The following PITPNC1 variants were observed in gnomAD, a reference collection of about 807,000 sequenced individuals.
The protein encoded by PITPNC1 is cytoplasmic phosphatidylinositol transfer protein 1.
In PITPNC1, 18 loss-of-function variants were observed where a neutral mutation model predicts 44.7. The ratio of observed to expected loss-of-function variants is 0.40; its 90% confidence interval spans 0.28 to 0.60. PITPNC1 has a LOEUF of 0.60. Among genes scored for constraint, PITPNC1 ranks in the 20% least tolerant of loss-of-function variants. The pLI, the probability that PITPNC1 is intolerant of heterozygous loss-of-function variation, is 0.39. For missense variants in PITPNC1, 290 were observed against 418.4 expected (o/e 0.69, Z 2.68); for synonymous variants, 141 against 149.6 (o/e 0.94, Z 0.42).
At chr17:67,622,514 C>CTT (rs1254933576) in intron 5 of PITPNC1, among the ~76,000 whole-genome samples, 115 of 118,926 alleles carry the variant, frequency 9.7e-4, no homozygotes, top group East Asian at 8.2e-3. Flanking sequence ...GTAGCCTGGA[C>CTT]TTTTTTTTTT....
intron 1 of PITPNC1, among the ~76,000 whole-genome samples, chr17:67,431,305 C>T (rs1206594314): frequency 6.6e-6 from 1 of 151,994 alleles, no homozygotes; most frequent in Admixed American, 6.6e-5. Context: ...GTGATCCATC[C>T]GCCTCAGCAT....
chr17:67,494,743 G>A (rs1450652106), intron 1 of PITPNC1, among the ~76,000 whole-genome samples: 1 of 152,060 alleles, frequency 6.6e-6, no homozygotes, highest in Non-Finnish European at 1.5e-5. Context: ...AGGCTGAGGT[G>A]AGCAGATTGC....
intron 1 of PITPNC1, among the ~76,000 whole-genome samples, chr17:67,520,255 T>G (rs2040308535): frequency 6.6e-6 from 1 of 152,090 alleles, no homozygotes; most frequent in African/African-American, 2.4e-5. Flanking sequence ...AACATCTCTG[T>G]TTATGGGGCT....
intron 1 of PITPNC1, among the ~76,000 whole-genome samples, chr17:67,510,590 C>T (rs1362144132): frequency 2.6e-5 from 4 of 152,178 alleles, no homozygotes; most frequent in African/African-American, 9.7e-5. Flanking sequence ...GCGTGAGCCA[C>T]CGCGCCTGGC....
intron 4 of PITPNC1, among the ~76,000 whole-genome samples, chr17:67,557,264 T>G (rs893213137): frequency 6.6e-6 from 1 of 152,132 alleles, no homozygotes; most frequent in East Asian, 1.9e-4. Flanking sequence ...GGCCCCACCC[T>G]CGTGACCTCA....
At chr17:67,541,437 A>G (rs1246857457) in intron 2 of PITPNC1, among the ~76,000 whole-genome samples, 1 of 151,120 alleles carries the variant, frequency 6.6e-6, no homozygotes, top group Non-Finnish European at 1.5e-5. Flanking sequence ...CAGTGGGTTT[A>G]GTTGACAATT....
chr17:67,479,621 G>A (rs905463316), intron 1 of PITPNC1, among the ~76,000 whole-genome samples: 2 of 152,038 alleles, frequency 1.3e-5, no homozygotes, highest in African/African-American at 4.8e-5. Flanking sequence ...AAGGACAAAC[G>A]GGTAGAATGC....
chr17:67,478,353 T>C (rs1247205673), intron 1 of PITPNC1, among the ~76,000 whole-genome samples: 1 of 152,202 alleles, frequency 6.6e-6, no homozygotes, highest in Non-Finnish European at 1.5e-5. Context: ...AGAGCCAGTC[T>C]GATCTTTTCT....
Position 67,508,605 on chromosome 17 carries a change from A to G in PITPNC1, c.49-24197A>G, listed in dbSNP as rs1165824008. ...CTTAGAATGCCTTAACTCTCTGGGA[A>G]TGCAGCCCAGTAGATCTCAGCCTCA... On this transcript the variant is annotated intron_variant, in intron 1 of 8. Coordinates refer to ENST00000581322, the MANE Select transcript of PITPNC1 (RefSeq NM_012417.4). The surrounding 1 kb of genome is among the most constrained non-coding windows in gnomAD (Gnocchi z 4.2). Among the ~76,000 whole-genome samples the G allele has an allele frequency of 1.3e-5, 2 of 152,210 alleles. No individual in the cohort carries two copies. The highest frequency in any genetic ancestry group is 2.9e-5 in the Non-Finnish European group (2 of 68,046).
intron 6 of PITPNC1, among the ~76,000 whole-genome samples, chr17:67,646,146 A>G (rs2042146878): frequency 6.6e-6 from 1 of 152,160 alleles, no homozygotes; most frequent in African/African-American, 2.4e-5. Flanking sequence ...AAAACAAAAA[A>G]AAGACTCTGG....
intron 1 of PITPNC1, among the ~76,000 whole-genome samples, chr17:67,389,893 A>C (rs1352665525): frequency 1.3e-5 from 2 of 152,016 alleles, no homozygotes; most frequent in African/African-American, 4.8e-5. Flanking sequence ...GGTAGCCAGG[A>C]TGGTCTCGAA....
chr17:67,380,078 CTTT>C (rs527469040), intron 1 of PITPNC1, among the ~76,000 whole-genome samples: 3 of 139,628 alleles, frequency 2.1e-5, no homozygotes, highest in Non-Finnish European at 1.6e-5. Context: ...CTTTTCTTTT[CTTT>C]TTTTTTTTTT....
chr17:67,456,689 G>A (rs929806526), intron 1 of PITPNC1, among the ~76,000 whole-genome samples: 5 of 151,564 alleles, frequency 3.3e-5, no homozygotes, highest in Non-Finnish European at 7.4e-5. Context: ...ATTGTATTTT[G>A]TATTTTATTC....
At chr17:67,379,065 G>A (rs1442803026) in intron 1 of PITPNC1, 7 of 985,742 alleles carry the variant, frequency 7.1e-6, no homozygotes, top group African/African-American at 1.7e-5. Context: ...TTCCGGCCCC[G>A]GCTTCCCTTT....
intron 8 of PITPNC1, among the ~76,000 whole-genome samples, chr17:67,689,858 C>T (rs1246371225): frequency 6.6e-6 from 1 of 152,162 alleles, no homozygotes; most frequent in Non-Finnish European, 1.5e-5. Flanking sequence ...TACCCTGATA[C>T]ACTAAAATTT....
At chr17:67,510,268 A>T (rs948661479) in intron 1 of PITPNC1, among the ~76,000 whole-genome samples, 1 of 152,000 alleles carries the variant, frequency 6.6e-6, no homozygotes, top group Admixed American at 6.5e-5. Context: ...ACTGTCTTTC[A>T]CTCTGTCTGC....
At chr17:67,417,770 C>T (rs2038609532) in intron 1 of PITPNC1, among the ~76,000 whole-genome samples, 2 of 151,988 alleles carry the variant, frequency 1.3e-5, no homozygotes, top group Non-Finnish European at 1.5e-5. Flanking sequence ...GGGCTGGGTG[C>T]GGTGGCTCCT....
intron 4 of PITPNC1, among the ~76,000 whole-genome samples, chr17:67,570,283 G>T (rs1376370101): frequency 6.6e-6 from 1 of 152,202 alleles, no homozygotes; most frequent in Non-Finnish European, 1.5e-5. Flanking sequence ...AGTGGAAGGG[G>T]CACCTGCCCA....
At chr17:67,465,528 T>A (rs2039413031) in intron 1 of PITPNC1, among the ~76,000 whole-genome samples, 1 of 152,172 alleles carries the variant, frequency 6.6e-6, no homozygotes, top group Non-Finnish European at 1.5e-5. Context: ...GGGTTCAGGG[T>A]GCCCAGGAAC....
Sources: allele counts gnomAD v4.1 joint callset (sites outside exome capture counted in the v4.1 genomes callset), GRCh38; gene constraint gnomAD v4.1.1; non-coding constraint Gnocchi (gnomAD v3.1); transcripts MANE v1.5; gene names NCBI Gene and HGNC (gene_info 2026-07-23, HGNC 2026-07-21).